The following AGBL4 variants were observed in gnomAD, a reference collection of about 807,000 sequenced individuals.
AGBL4 encodes AGBL carboxypeptidase 4.
In AGBL4, 58 loss-of-function variants were observed where a neutral mutation model predicts 66.4. The observed-to-expected ratio is 0.87, with a 90% CI of 0.71 to 1.09. The LOEUF is 1.09. AGBL4 is among the 50% of genes least tolerant of loss of function. The probability of loss-of-function intolerance (pLI) is 0.00; values close to 1 mark genes in which losing one functional copy is unlikely to be tolerated. For synonymous variants in AGBL4, 234 were observed against 222.9 expected (o/e 1.05, Z -0.44); for missense variants, 579 against 631.0 (o/e 0.92, Z 0.88).
intron 3 of AGBL4, among the ~76,000 whole-genome samples, chr1:49,276,600 C>T (rs1357896909): frequency 6.6e-6 from 1 of 152,132 alleles, no homozygotes; most frequent in Non-Finnish European, 1.5e-5. Flanking sequence ...AGTCTGACAC[C>T]TTTAAAGGTC....
chr1:49,430,848 T>A (rs1645770164), intron 3 of AGBL4, among the ~76,000 whole-genome samples: 1 of 152,170 alleles, frequency 6.6e-6, no homozygotes, highest in African/African-American at 2.4e-5. Flanking sequence ...CCTGGCTTAG[T>A]TTTGCATGCT....
In AGBL4 at chr1:49,727,902, A is replaced by G. The variant is rs191168275; in HGVS notation, c.158-30465T>C. Among the ~76,000 whole-genome samples the G allele has an allele frequency of 7.8e-3, 1,186 of 152,260 alleles. 15 individuals are homozygous for G. The highest frequency in any genetic ancestry group is 0.027 in the Middle Eastern group (8 of 294). On this transcript the variant is annotated intron_variant, in intron 2 of 13. Transcript: ENST00000371839. ...TTATACCCATATTCCCCAAGGTGAA[A>G]TAATGTTTTCTGAAAACTCTCCATT...
chr1:49,082,513 G>A (rs1644826244), intron 4 of AGBL4, among the ~76,000 whole-genome samples: 2 of 152,192 alleles, frequency 1.3e-5, no homozygotes, highest in South Asian at 4.1e-4. Flanking sequence ...GAACTCCCAT[G>A]TATTAAACCA....
chr1:49,866,967 C>T (rs943391053), intron 1 of AGBL4, among the ~76,000 whole-genome samples: 2 of 152,008 alleles, frequency 1.3e-5, no homozygotes, highest in African/African-American at 4.8e-5. Context: ...ATTTTAATCT[C>T]GTCCTTTCTG....
At chr1:48,991,309 C>A (rs1323608486) in intron 5 of AGBL4, among the ~76,000 whole-genome samples, 2 of 151,818 alleles carry the variant, frequency 1.3e-5, no homozygotes, top group Non-Finnish European at 1.5e-5. Flanking sequence ...GCTATGACAC[C>A]CTCTCCTGGT....
intron 1 of AGBL4, among the ~76,000 whole-genome samples, chr1:49,965,937 T>C (rs1657519251): frequency 6.7e-6 from 1 of 150,314 alleles, no homozygotes; most frequent in Non-Finnish European, 1.5e-5. Flanking sequence ...TCTATTACAA[T>C]GATTTTTTTT....
chr1:48,854,820 G>A (rs1458066006), intron 6 of AGBL4, among the ~76,000 whole-genome samples: 1 of 152,184 alleles, frequency 6.6e-6, no homozygotes, highest in Non-Finnish European at 1.5e-5. Flanking sequence ...AGTAGAATTT[G>A]GGAGAATGTA....
intron 3 of AGBL4, among the ~76,000 whole-genome samples, chr1:49,648,334 GA>G (rs200604507): frequency 4.3e-4 from 60 of 141,138 alleles, no homozygotes; most frequent in South Asian, 6.7e-4. Flanking sequence ...AAAATGACAG[GA>G]AAAAAAAAAA....
chr1:48,714,565 C>T (rs1365235987), intron 6 of AGBL4, among the ~76,000 whole-genome samples: 2 of 152,232 alleles, frequency 1.3e-5, no homozygotes, highest in Non-Finnish European at 2.9e-5. Flanking sequence ...TAAGCCCCCT[C>T]GTTTCTGTTC....
At chr1:49,844,039 G>A (rs896498337) in intron 2 of AGBL4, among the ~76,000 whole-genome samples, 6 of 152,124 alleles carry the variant, frequency 3.9e-5, no homozygotes, top group Non-Finnish European at 7.4e-5. Context: ...CTACTCTCAG[G>A]GGGTTCCCAT....
intron 9 of AGBL4, among the ~76,000 whole-genome samples, chr1:48,628,357 C>T (rs1057007906): frequency 6.6e-6 from 1 of 152,158 alleles, no homozygotes; most frequent in African/African-American, 2.4e-5. Context: ...TTTGAGGACT[C>T]TCCATGGACT....
chr1:49,093,725 A>G (rs778348705), intron 4 of AGBL4, among the ~76,000 whole-genome samples: 6 of 152,322 alleles, frequency 3.9e-5, no homozygotes, highest in African/African-American at 7.2e-5. Flanking sequence ...TCATGGTTGT[A>G]TAATAACTAG....
At chr1:49,880,951 A>T (rs568675691) in intron 1 of AGBL4, among the ~76,000 whole-genome samples, 100 of 151,618 alleles carry the variant, frequency 6.6e-4, no homozygotes, top group South Asian at 1.3e-3. Flanking sequence ...CCTTTCTTTG[A>T]CTCGGAAAGG....
At chr1:49,083,862 T>C (rs776746866) in intron 4 of AGBL4, among the ~76,000 whole-genome samples, 12 of 152,232 alleles carry the variant, frequency 7.9e-5, no homozygotes, top group Non-Finnish European at 1.5e-4. Context: ...TTTAAGAGCA[T>C]CCAAGTCACA....
At chr1:49,835,533 AGTCT>A (rs1390818553) in intron 2 of AGBL4, among the ~76,000 whole-genome samples, 1 of 152,118 alleles carries the variant, frequency 6.6e-6, no homozygotes, top group African/African-American at 2.4e-5. Flanking sequence ...CCAACTTGCC[AGTCT>A]GTGTCTTTTA....
chr1:48,641,674 T>G (rs1645757240), intron 8 of AGBL4, among the ~76,000 whole-genome samples: 1 of 152,126 alleles, frequency 6.6e-6, no homozygotes, highest in South Asian at 2.1e-4. Flanking sequence ...GCACAGTGTC[T>G]CGTACACAGC....
intron 6 of AGBL4, among the ~76,000 whole-genome samples, chr1:48,754,976 T>C (rs770983567): frequency 1.3e-5 from 2 of 152,222 alleles, no homozygotes; most frequent in Non-Finnish European, 2.9e-5. Flanking sequence ...TGACAGTCTA[T>C]AGCCTAAGTT....
rs367752093 is a variant in AGBL4, at chr1:49,417,717, A to ATG, written c.283-171855_283-171854dup. 1.9e-3 allele frequency among the ~76,000 whole-genome samples: 292 copies of ATG among 152,244 alleles called. 2 individuals carry two copies. Among genetic ancestry groups the ATG allele is most frequent in the South Asian group, 0.01 (49 of 4,826 alleles). Reference sequence around the variant, plus strand: ...TGTAACTTTGCAATTCATTGGAATGATGTCTTTAGGTTAAAATACATTGCT... The same window carrying ATG: ...TGTAACTTTGCAATTCATTGGAATGATGTGTCTTTAGGTTAAAATACATTGCT... On this transcript the variant is annotated intron_variant, in intron 3 of 13. Coordinates refer to ENST00000371839, the MANE Select transcript of AGBL4 (RefSeq NM_032785.4).
chr1:48,874,038 T>C (rs1344860053), intron 5 of AGBL4, among the ~76,000 whole-genome samples: 2 of 152,130 alleles, frequency 1.3e-5, no homozygotes, highest in African/African-American at 4.8e-5. Context: ...GATAGCTATT[T>C]GGGGAAAAGT....
Sources: allele counts gnomAD v4.1 joint callset (sites outside exome capture counted in the v4.1 genomes callset), GRCh38; gene constraint gnomAD v4.1.1; transcripts MANE v1.5; gene names NCBI Gene and HGNC (gene_info 2026-07-23, HGNC 2026-07-21).